Variants in TANC1 observed in about 807,000 individuals in gnomAD.
TANC1 encodes the protein tetratricopeptide repeat, ankyrin repeat and coiled-coil containing 1, also known as protein TANC1.
In TANC1, 77 loss-of-function variants were observed where a neutral mutation model predicts 149.7. The ratio of observed to expected loss-of-function variants is 0.51; its 90% confidence interval spans 0.43 to 0.62. The LOEUF (loss-of-function observed/expected upper bound fraction) is 0.62. Ranked by LOEUF, TANC1 falls within the 20% of genes least tolerant of loss-of-function variation. The pLI, the probability that TANC1 is intolerant of heterozygous loss-of-function variation, is 0.00. For synonymous variants in TANC1, 854 were observed against 925.0 expected (o/e 0.92, Z 1.39); for missense variants, 1,985 against 2,321.8 (o/e 0.85, Z 2.98).
At chr2:159,019,306 G>T (rs2038581379) in intron 2 of TANC1, among the ~76,000 whole-genome samples, 2 of 152,228 alleles carry the variant, frequency 1.3e-5, no homozygotes, top group South Asian at 4.1e-4. Context: ...TGTTAGGAGT[G>T]ATGGGAATAG....
chr2:158,985,527 A>G (rs1432894262), intron 1 of TANC1, among the ~76,000 whole-genome samples: 2 of 152,232 alleles, frequency 1.3e-5, no homozygotes, highest in Non-Finnish European at 1.5e-5. Context: ...GAGATTGCAT[A>G]GTGCCAAAGG....
chr2:159,069,187 A>C (rs1236192858), intron 3 of TANC1, among the ~76,000 whole-genome samples: 1 of 152,218 alleles, frequency 6.6e-6, no homozygotes, highest in Non-Finnish European at 1.5e-5. Flanking sequence ...TTCAGAAGGC[A>C]ATAGAGGCAC....
intron 3 of TANC1, among the ~76,000 whole-genome samples, chr2:159,075,963 A>G (rs2043628883): frequency 6.6e-6 from 1 of 152,168 alleles, no homozygotes; most frequent in African/African-American, 2.4e-5. Flanking sequence ...CACAATTCCT[A>G]TTACTAGGGG....
At chr2:159,131,986 G>A (rs1018053778) in intron 4 of TANC1, among the ~76,000 whole-genome samples, 2 of 152,226 alleles carry the variant, frequency 1.3e-5, no homozygotes, top group Non-Finnish European at 2.9e-5. Flanking sequence ...ACTGGGTGGT[G>A]GAAGTTCCCA....
chr2:159,192,958 A>G (rs945099861), intron 16 of TANC1, among the ~76,000 whole-genome samples: 1 of 152,196 alleles, frequency 6.6e-6, no homozygotes, highest in Admixed American at 6.5e-5. Flanking sequence ...CTATTTGTTT[A>G]GTTTTTATTT....
chr2:159,075,634 A>G (rs537520110), intron 3 of TANC1, among the ~76,000 whole-genome samples: 2 of 152,148 alleles, frequency 1.3e-5, no homozygotes, highest in South Asian at 2.1e-4. Context: ...ATAACCCAAG[A>G]TATTCTGTAT....
rs2060288967 is a variant in TANC1 at position 159,230,620 on chromosome 2, A to C, written c.5194A>C (p.Arg1732=). Residue 1732 remains arginine, a synonymous_variant, in exon 27 of 27, where the codon AGG becomes CGG. Coordinates refer to ENST00000263635, the MANE Select transcript of TANC1 (RefSeq NM_033394.3). This position sits in a 1 kb window ranked among gnomAD's most constrained non-coding sequence, Gnocchi z 4.4. ...CATGGGCATCATGGATAAGACTGCG[A>C]GGTTCCAACAGCAGAGCAATCCTCC... ...PFMGIMDKTA[R]FQQQSNPPSR... 1 of 1,614,086 alleles carries C rather than the reference A, an allele frequency of 6.2e-7. No homozygotes were observed. The highest frequency in any genetic ancestry group is 2.2e-5 in the East Asian group (1 of 44,892).
At position 159,185,802 on chromosome 2, in the gene TANC1, C is replaced by T. The variant is rs1266209720; in HGVS notation, c.2522C>T (p.Ala841Val). The T allele has an allele frequency of 8.7e-6, 14 of 1,613,724 alleles. No homozygotes were observed. The highest frequency in any genetic ancestry group is 8.0e-5 in the African/African-American group (6 of 75,000). The change falls in exon 15 of 27, where the codon GCG becomes GTG. Residue 841 changes from alanine (A) to valine (V), a missense_variant. Transcript: ENST00000263635. ...ATTCCTTCCCCTAGGAACGGGCACG[C>T]GCTCTTGGCATTCATGTTCTCGCGT... ...AFLCEPRNGH[A>V]LLAFMFSRQE...
chr2:159,128,927 T>C (rs1294872697), intron 4 of TANC1, among the ~76,000 whole-genome samples: 2 of 152,154 alleles, frequency 1.3e-5, no homozygotes, highest in African/African-American at 4.8e-5. Context: ...GTGATAAAGG[T>C]TCCCCCTGCC....
chr2:159,145,825 G>T (rs926675945), intron 5 of TANC1, among the ~76,000 whole-genome samples: 1 of 152,072 alleles, frequency 6.6e-6, no homozygotes, highest in African/African-American at 2.4e-5. Context: ...GGATTCCCAG[G>T]GCATTCTCTC....
Position 159,231,042 on chromosome 2 carries a change from G to A in TANC1, c.*30G>A. On this transcript the variant is annotated 3_prime_UTR_variant, in exon 27 of 27. Coordinates refer to ENST00000263635, the MANE Select transcript of TANC1 (RefSeq NM_033394.3). ...TAAGAAATCCCCATTTGTGGAATTT[G>A]GAAACGTGTGTTGACTCCTGGTGGT... The A allele has an allele frequency of 6.6e-7, 1 of 1,512,772 alleles. No homozygotes were observed. Among genetic ancestry groups the A allele is most frequent in the East Asian group, 2.3e-5 (1 of 44,094 alleles). The allele number at this position is 1,512,772 out of a possible 1,614,324, so 93.7% of individuals were successfully genotyped here. A position where few individuals can be genotyped will look rare whatever the true frequency, so the allele number is the denominator to read the frequency against.
chr2:159,228,779 T>C lies in TANC1; in HGVS notation c.4051-17T>C, dbSNP rs73967255. 1 of 1,600,512 alleles carries C rather than the reference T, an allele frequency of 6.2e-7. No individual in the cohort carries two copies. Among genetic ancestry groups the C allele is most frequent in the African/African-American group, 1.3e-5 (1 of 74,756 alleles). On this transcript the variant is annotated splice_polypyrimidine_tract_variant and intron_variant, in intron 25 of 26. Transcript: ENST00000263635. ...GTCCAGGCTGCTTCTGACTCCTGTA[T>C]TTCTTGTCGACACCAGGACTTTGGC...
At position 159,097,671 on chromosome 2, in the gene TANC1, G is replaced by T. The variant is rs1202221439; in HGVS notation, c.96G>T (p.Leu32=). The T allele has an allele frequency of 6.2e-7, 1 of 1,614,134 alleles. No homozygotes were observed. The highest frequency in any genetic ancestry group is 1.7e-5 in the Admixed American group (1 of 60,010). ...SDFGPETSPV[L]HLDHSADSPV... is the part of the protein sequence containing the mutation. ...TTGGTCCAGAGACTTCTCCAGTCCT[G>T]CACCTTGACCACAGTGCTGACTCTC... The change falls in exon 4 of 27, where the codon CTG becomes CTT. Residue 32 remains leucine, a synonymous_variant. Coordinates refer to ENST00000263635, the MANE Select transcript of TANC1 (RefSeq NM_033394.3).
At position 159,178,844 on chromosome 2, in the gene TANC1, G is replaced by T. The variant is rs761444409; in HGVS notation, c.2191G>T (p.Val731Leu). Reference sequence around the variant, plus strand: ...GAGTGCCAGCTACAAGGTGGTGCCCGTGTCTCTCTCTGAGCTCTATTTGCT... The same window carrying T: ...GAGTGCCAGCTACAAGGTGGTGCCCTTGTCTCTCTCTGAGCTCTATTTGCT... ...IKSASYKVVP[V>L]SLSELYLLQC... is the part of the protein sequence containing the mutation. The change falls in exon 14 of 27, where the codon GTG becomes TTG. Residue 731 changes from valine to leucine, a missense_variant. Coordinates refer to ENST00000263635, the MANE Select transcript of TANC1 (RefSeq NM_033394.3). 2 of 1,614,178 alleles carry T rather than the reference G, an allele frequency of 1.2e-6. No individual in the cohort carries two copies. Among genetic ancestry groups the T allele is most frequent in the Non-Finnish European group, 1.7e-6 (2 of 1,180,034 alleles).
intron 1 of TANC1, among the ~76,000 whole-genome samples, chr2:158,979,639 GT>G (rs1319130611): frequency 6.6e-6 from 1 of 152,086 alleles, no homozygotes; most frequent in Non-Finnish European, 1.5e-5. Context: ...TGTTGTTGTT[GT>G]TCTTGGCTAC....
intron 4 of TANC1, among the ~76,000 whole-genome samples, chr2:159,132,873 A>G (rs928282780): frequency 5.2e-4 from 79 of 151,970 alleles, no homozygotes; most frequent in African/African-American, 1.6e-3. Flanking sequence ...GGTTGAGTCT[A>G]TGAGTTAGGG....
At chr2:159,155,810 A>G (rs1399189624) in intron 7 of TANC1, among the ~76,000 whole-genome samples, 1 of 152,236 alleles carries the variant, frequency 6.6e-6, no homozygotes, top group Non-Finnish European at 1.5e-5. Context: ...GCAGTAAAAT[A>G]TTAGACACCT....
intron 4 of TANC1, among the ~76,000 whole-genome samples, chr2:159,120,061 C>G (rs2048687646): frequency 6.6e-6 from 1 of 152,190 alleles, no homozygotes; most frequent in African/African-American, 2.4e-5. Flanking sequence ...GTCTGACATG[C>G]CAGCCTTCTG....
At chr2:159,037,580 C>T (rs1383467356) in intron 2 of TANC1, among the ~76,000 whole-genome samples, 1 of 152,126 alleles carries the variant, frequency 6.6e-6, no homozygotes, top group African/African-American at 2.4e-5. Flanking sequence ...TATGGCTAGC[C>T]AGTTTTCCCA....
Sources: allele counts gnomAD v4.1 joint callset (sites outside exome capture counted in the v4.1 genomes callset), GRCh38; gene constraint gnomAD v4.1.1; non-coding constraint Gnocchi (gnomAD v3.1); transcripts MANE v1.5; gene names NCBI Gene and HGNC (gene_info 2026-07-23, HGNC 2026-07-21).